The following GCSAML variants were observed in gnomAD, a reference collection of about 807,000 sequenced individuals.
GCSAML encodes germinal center-associated signaling and motility-like protein.
Under a neutral mutation model 13.0 loss-of-function variants are expected in GCSAML, and 9 were observed. That is an observed-to-expected ratio of 0.69 (90% CI 0.42 to 1.21). GCSAML has a LOEUF of 1.21. Among genes scored for constraint, GCSAML ranks in the 50% most tolerant of loss-of-function variants. The pLI is 0.00. For missense variants in GCSAML, 143 were observed against 153.4 expected, an observed-to-expected ratio of 0.93 and a Z score of 0.36; for synonymous variants, 37 against 52.9, an observed-to-expected ratio of 0.70 and a Z score of 1.31.
upstream of GCSAML, among the ~76,000 whole-genome samples, chr1:247,544,159 A>G (rs1363230042): frequency 2.6e-5 from 4 of 152,198 alleles, no homozygotes; most frequent in Non-Finnish European, 5.9e-5. Flanking sequence ...AGAGCTCATG[A>G]TGGCTGTGCT....
At chr1:247,512,209 T>C (rs544999410) in intron 1 of GCSAML, among the ~76,000 whole-genome samples, 19 of 152,196 alleles carry the variant, frequency 1.2e-4, no homozygotes, top group African/African-American at 4.6e-4. Context: ...TCATTTATTT[T>C]CATTCTTTTT....
chr1:247,532,311 G>A (rs758421798), intron 2 of GCSAML: 3 of 1,614,194 alleles, frequency 1.9e-6, no homozygotes, highest in Non-Finnish European at 2.5e-6. Flanking sequence ...CCAGGAAGGG[G>A]AGGTTGGCAA....
rs954962193 is a variant in GCSAML at position 247,563,459 on chromosome 1, A to C, written c.90-131A>C. On this transcript the variant is annotated intron_variant, in intron 2 of 4. Coordinates refer to ENST00000366488, the MANE Select transcript of GCSAML (RefSeq NM_145278.5). ...AAAGGCTGGAGTAAGCAGCCTTTTAATTGTATTTAATATTTGCATGGAAAA... is the reference window on the plus strand; with the variant it reads ...AAAGGCTGGAGTAAGCAGCCTTTTACTTGTATTTAATATTTGCATGGAAAA... The C allele has an allele frequency of 7.3e-6, 4 of 545,526 alleles. No individual in the cohort carries two copies. The East Asian group carries it at 1.2e-4, about 17-fold the overall frequency. 33.8% of individuals were successfully genotyped at this position (545,526 alleles called of 1,614,324 possible). A position where few individuals can be genotyped will look rare whatever the true frequency, so the allele number is the denominator to read the frequency against.
intron 1 of GCSAML, among the ~76,000 whole-genome samples, chr1:247,518,275 G>A (rs573774240): frequency 2.4e-4 from 37 of 152,342 alleles, no homozygotes; most frequent in African/African-American, 8.7e-4. Flanking sequence ...GTTCGTGTGT[G>A]GGACGCCGGC....
At chr1:247,565,220 T>C (rs1668295380) in intron 3 of GCSAML, among the ~76,000 whole-genome samples, 1 of 152,094 alleles carries the variant, frequency 6.6e-6, no homozygotes, top group South Asian at 2.1e-4. Context: ...TAGCTGGGCA[T>C]GGTGGCATGT....
upstream of GCSAML, among the ~76,000 whole-genome samples, chr1:247,547,897 A>C (rs142321587): frequency 6.6e-6 from 1 of 152,380 alleles, no homozygotes; most frequent in East Asian, 1.9e-4. Context: ...AGGTTGTCAC[A>C]TACGAATTAG....
chr1:247,532,562 T>C, intron 2 of GCSAML: 2 of 1,564,806 alleles, frequency 1.3e-6, no homozygotes, highest in Non-Finnish European at 1.7e-6. Context: ...GCACAGGGCA[T>C]ACAGGGCATG....
At chr1:247,550,464 C>T (rs139394109) in intron 1 of GCSAML, among the ~76,000 whole-genome samples, 21 of 151,984 alleles carry the variant, frequency 1.4e-4, no homozygotes, top group Admixed American at 2.0e-4. Flanking sequence ...GGTGAAACTC[C>T]GTCTCTACTA....
chr1:247,565,553 A>T (rs2103062227), intron 3 of GCSAML: 1 of 174,698 alleles, frequency 5.7e-6, no homozygotes, highest in Middle Eastern at 2.4e-3. Context: ...AGTTACATAA[A>T]ATTTATATCT....
chr1:247,551,619 C>T (rs1485058935), intron 1 of GCSAML, among the ~76,000 whole-genome samples: 2 of 152,180 alleles, frequency 1.3e-5, no homozygotes, highest in African/African-American at 2.4e-5. Flanking sequence ...AAAACTTCCC[C>T]TTTGCTCCCT....
chr1:247,551,163 T>G lies in GCSAML; in HGVS notation c.29+1943T>G, dbSNP rs78568890. Among the ~76,000 whole-genome samples, 358 of 152,266 alleles carry G rather than the reference T, an allele frequency of 2.4e-3. 1 individual carries two copies. The highest frequency in any genetic ancestry group is 8.1e-3 in the African/African-American group (338 of 41,548). ...CTAGGCAGAAGCACAAACAGCGCAC[T>G]GTAGAAATAAAAGGAAGGAAGGAAG... On this transcript the variant is annotated intron_variant, in intron 1 of 4. Coordinates refer to ENST00000366488, the MANE Select transcript of GCSAML (RefSeq NM_145278.5).
intron 1 of GCSAML, among the ~76,000 whole-genome samples, chr1:247,511,012 T>C (rs1167297509): frequency 2.0e-5 from 3 of 152,230 alleles, no homozygotes; most frequent in Non-Finnish European, 4.4e-5. Context: ...GTCTATCAGG[T>C]CCGCTTGGTC....
chr1:247,547,961 T>C (rs2103032049), upstream of GCSAML, among the ~76,000 whole-genome samples: 1 of 152,352 alleles, frequency 6.6e-6, no homozygotes, highest in South Asian at 2.1e-4. Flanking sequence ...TAATATATTT[T>C]TCTCATGTTT....
chr1:247,557,242 G>A (rs759395267), intron 2 of GCSAML, among the ~76,000 whole-genome samples: 2 of 152,026 alleles, frequency 1.3e-5, no homozygotes, highest in Non-Finnish European at 2.9e-5. Context: ...TCTATATGTC[G>A]TTTGAGCTCT....
chr1:247,568,202 G>T (rs1180621108), intron 4 of GCSAML, among the ~76,000 whole-genome samples: 1 of 152,076 alleles, frequency 6.6e-6, no homozygotes, highest in Non-Finnish European at 1.5e-5. Context: ...GTCAATTTTG[G>T]CTTCTGTTGC....
At chr1:247,513,700 T>G (rs1336638012) in intron 1 of GCSAML, among the ~76,000 whole-genome samples, 2 of 152,172 alleles carry the variant, frequency 1.3e-5, no homozygotes, top group African/African-American at 4.8e-5. Flanking sequence ...TCATAGTATC[T>G]GGGGCTGCAG....
intron 1 of GCSAML, among the ~76,000 whole-genome samples, chr1:247,509,020 T>C (rs113596940): frequency 0.019 from 2,866 of 152,298 alleles, 42 homozygotes; most frequent in Non-Finnish European, 0.031. Flanking sequence ...TTTAAAATAG[T>C]TTCTTCTAAT....
At chr1:247,507,590 G>A (rs1449838591) in intron 1 of GCSAML, among the ~76,000 whole-genome samples, 4 of 152,110 alleles carry the variant, frequency 2.6e-5, no homozygotes, top group Admixed American at 2.0e-4. Flanking sequence ...TGTTAAGCAT[G>A]TATACACGTG....
chr1:247,541,770 G>C (rs1386627455), intron 2 of GCSAML, among the ~76,000 whole-genome samples: 2 of 152,136 alleles, frequency 1.3e-5, no homozygotes, highest in Non-Finnish European at 2.9e-5. Context: ...AGCACTTTGG[G>C]AAGCTGAGGT....
Sources: gnomAD v4.1 joint callset for allele counts (sites outside exome capture counted in the v4.1 genomes callset) on GRCh38, gnomAD v4.1.1 for gene constraint, MANE v1.5 for transcripts, NCBI Gene and HGNC (gene_info 2026-07-23, HGNC 2026-07-21) for gene names.